Variants in INTS9 observed in about 807,000 individuals in gnomAD.
The protein encoded by INTS9 is protein related to CPSF subunits of 74 kDa.
Under a neutral mutation model 79.7 loss-of-function variants are expected in INTS9, and 55 were observed. The ratio of observed to expected loss-of-function variants is 0.69; its 90% CI spans 0.56 to 0.86. The LOEUF is 0.86. Among genes scored for constraint, INTS9 ranks in the 40% least tolerant of loss-of-function variants. The pLI, the probability that INTS9 is intolerant of heterozygous loss-of-function variation, is 0.00. For synonymous variants in INTS9, 319 were observed against 325.2 expected (o/e 0.98, Z 0.20); for missense variants, 721 against 831.5 (o/e 0.87, Z 1.64).
chr8:28,781,550 C>A (rs1803267886), intron 11 of INTS9, among the ~76,000 whole-genome samples: 1 of 152,276 alleles, frequency 6.6e-6, no homozygotes, highest in Admixed American at 6.5e-5. Context: ...CAAGATGTGT[C>A]CTTCAGCAGG....
intron 8 of INTS9, among the ~76,000 whole-genome samples, chr8:28,797,351 G>A (rs1380350328): frequency 6.6e-6 from 1 of 152,140 alleles, no homozygotes; most frequent in Non-Finnish European, 1.5e-5. Context: ...GAAGAACCCT[G>A]GATTGGGAAC....
chr8:28,781,069 G>A (rs1803234883), intron 11 of INTS9, 75 bp from the exon 12 acceptor site: 4 of 1,170,064 alleles, frequency 3.4e-6, no homozygotes, highest in East Asian at 5.1e-5. Context: ...ACGGGAGGGT[G>A]AGCGGGACTG....
chr8:28,779,735 G>C (rs1003933706), intron 12 of INTS9, among the ~76,000 whole-genome samples: 3 of 152,152 alleles, frequency 2.0e-5, no homozygotes, highest in Admixed American at 2.0e-4. Context: ...TGTTCCCCTT[G>C]CTGAAATGAG....
rs2130826505 is a variant in INTS9, at chr8:28,768,130, A to G, written c.*16T>C. On this transcript the variant is annotated 3_prime_UTR_variant, in exon 17 of 17. Transcript: ENST00000521022. The stretch of plus-strand genomic sequence containing the variant: ...AGGGACTGCAGGATTTCAGGGAAGT[A>G]GCTCAGATGGCCCACTCAGAACTTC... 1 of 1,613,620 alleles carries G rather than the reference A, an allele frequency of 6.2e-7. No individual in the cohort carries two copies. The highest frequency in any genetic ancestry group is 2.2e-5 in the East Asian group (1 of 44,890).
intron 8 of INTS9, 137 bp from the exon 9 acceptor site, chr8:28,796,792 T>C (rs969578082): frequency 3.1e-6 from 2 of 646,586 alleles, no homozygotes; most frequent in African/African-American, 1.8e-5. Context: ...CTCTAAGGAA[T>C]AGTCTGTCCT....
intron 8 of INTS9, among the ~76,000 whole-genome samples, chr8:28,802,313 T>A (rs1164149316): frequency 3.9e-5 from 6 of 152,188 alleles, no homozygotes; most frequent in Non-Finnish European, 7.3e-5. Context: ...TTTGGAGTAG[T>A]TCTCTCAGAT....
At chr8:28,825,723 T>C (rs775742907) in intron 6 of INTS9, among the ~76,000 whole-genome samples, 5 of 152,234 alleles carry the variant, frequency 3.3e-5, no homozygotes, top group Non-Finnish European at 5.9e-5. Flanking sequence ...TATTGAGTAC[T>C]AGCAGCGTTC....
chr8:28,784,609 A>G (rs1174819673), intron 11 of INTS9, among the ~76,000 whole-genome samples: 1 of 152,264 alleles, frequency 6.6e-6, no homozygotes, highest in Non-Finnish European at 1.5e-5. Context: ...AATACGTGTT[A>G]GTTAACTATA....
At chr8:28,882,319 GA>G (rs1343515602) in intron 1 of INTS9, among the ~76,000 whole-genome samples, 1 of 114,444 alleles carries the variant, frequency 8.7e-6, no homozygotes, top group Non-Finnish European at 2.2e-5. Flanking sequence ...AAACACTGCG[GA>G]AGGCCGAAGG....
At chr8:28,800,777 G>A (rs2130989409) in intron 8 of INTS9, among the ~76,000 whole-genome samples, 1 of 152,300 alleles carries the variant, frequency 6.6e-6, no homozygotes, top group Non-Finnish European at 1.5e-5. Context: ...GTTCCCCAAA[G>A]TAGGGGTTTA....
At chr8:28,773,095 T>C (rs1220949125) in intron 14 of INTS9, among the ~76,000 whole-genome samples, 1 of 152,156 alleles carries the variant, frequency 6.6e-6, no homozygotes, top group Admixed American at 6.5e-5. Context: ...AATAAACATA[T>C]ATGGACAAAG....
At chr8:28,834,279 C>T (rs1438331097) in intron 6 of INTS9, among the ~76,000 whole-genome samples, 1 of 152,182 alleles carries the variant, frequency 6.6e-6, no homozygotes, top group Non-Finnish European at 1.5e-5. Flanking sequence ...CATTCCTGTC[C>T]ATCCTTTACG....
chr8:28,876,772 G>A (rs1809416712), intron 1 of INTS9, among the ~76,000 whole-genome samples: 1 of 151,988 alleles, frequency 6.6e-6, no homozygotes, highest in Admixed American at 6.6e-5. Context: ...AATTCAACAA[G>A]GGGCCTGTGT....
intron 1 of INTS9, among the ~76,000 whole-genome samples, chr8:28,881,897 G>A (rs372636036): frequency 1.2e-3 from 183 of 146,966 alleles, no homozygotes; most frequent in African/African-American, 4.4e-3. Context: ...CTGCCCGGCC[G>A]CCCCCACTGG....
chr8:28,797,724 G>C (rs575606390), intron 8 of INTS9, among the ~76,000 whole-genome samples: 1 of 152,160 alleles, frequency 6.6e-6, no homozygotes, highest in Non-Finnish European at 1.5e-5. Context: ...AGTTCATAAA[G>C]GTTTCCATCT....
At chr8:28,770,955 C>A (rs537014020) in intron 15 of INTS9, 27 bp downstream of exon 15, 2 of 1,562,588 alleles carry the variant, frequency 1.3e-6, no homozygotes, top group Non-Finnish European at 1.8e-6. Context: ...GAGAGGGTCC[C>A]CTGCACTCCC....
intron 1 of INTS9, among the ~76,000 whole-genome samples, chr8:28,872,677 T>C (rs1809160629): frequency 6.6e-6 from 1 of 152,226 alleles, no homozygotes; most frequent in African/African-American, 2.4e-5. Flanking sequence ...GTAGTCATAT[T>C]GGATCACAAA....
chr8:28,773,413 A>G (rs1254530018), intron 14 of INTS9, among the ~76,000 whole-genome samples: 3 of 148,536 alleles, frequency 2.0e-5, no homozygotes, highest in South Asian at 2.1e-4. Flanking sequence ...GCAGTGAGCC[A>G]AGATCGCGCC....
chr8:28,821,461 CAT>C (rs1805824140), intron 6 of INTS9, among the ~76,000 whole-genome samples: 1 of 152,188 alleles, frequency 6.6e-6, no homozygotes, highest in Non-Finnish European at 1.5e-5. Flanking sequence ...CCTCCCACAA[CAT>C]GTGGGAATTC....
Sources: allele counts gnomAD v4.1 joint callset (sites outside exome capture counted in the v4.1 genomes callset), GRCh38; gene constraint gnomAD v4.1.1; transcripts MANE v1.5; gene names NCBI Gene and HGNC (gene_info 2026-07-23, HGNC 2026-07-21).